Variants in CRACD observed in about 807,000 individuals in gnomAD.
CRACD encodes capping protein-inhibiting regulator of actin dynamics.
A neutral mutation model predicts 106.8 loss-of-function variants in CRACD; 56 were observed. That is an observed-to-expected ratio of 0.52 (90% CI 0.42 to 0.66). The LOEUF is 0.66. Among genes scored for constraint, CRACD ranks in the 30% least tolerant of loss-of-function variants. The pLI is 0.00. For missense variants in CRACD, 1,730 were observed against 1,623.2 expected (o/e 1.07, Z -1.13); for synonymous variants, 754 against 670.8 (o/e 1.12, Z -1.92).
chr4:56,254,034 A>G (rs781010635), intron 2 of CRACD, among the ~76,000 whole-genome samples: 1 of 152,238 alleles, frequency 6.6e-6, no homozygotes, highest in Non-Finnish European at 1.5e-5. Context: ...TTCCACCAGT[A>G]TCTGGTGCAT....
At chr4:56,199,699 GAAAAAA>G (rs200405228) in intron 2 of CRACD, among the ~76,000 whole-genome samples, 1 of 134,946 alleles carries the variant, frequency 7.4e-6, no homozygotes, top group Non-Finnish European at 1.6e-5. Flanking sequence ...AAAAAGAAAA[GAAAAAA>G]AAAGAAAAAG....
intron 2 of CRACD, among the ~76,000 whole-genome samples, chr4:56,233,433 T>G (rs895254189): frequency 6.6e-6 from 1 of 152,150 alleles, no homozygotes; most frequent in African/African-American, 2.4e-5. Context: ...TTAACCATCA[T>G]TTGTTGAAAA....
chr4:56,327,298 C>T (rs1410907375), intron 10 of CRACD, among the ~76,000 whole-genome samples: 1 of 151,978 alleles, frequency 6.6e-6, no homozygotes, highest in Admixed American at 6.6e-5. Context: ...TTTCTTTTTT[C>T]AGTCTCACAC....
chr4:56,121,462 G>T (rs1734479822), intron 1 of CRACD, among the ~76,000 whole-genome samples: 1 of 152,080 alleles, frequency 6.6e-6, no homozygotes, highest in Admixed American at 6.6e-5. Context: ...TGGCCAACAT[G>T]GTGAAACCCC....
intron 3 of CRACD, among the ~76,000 whole-genome samples, chr4:56,279,721 T>A (rs1291684741): frequency 2.0e-5 from 3 of 152,218 alleles, no homozygotes. Context: ...TCAACCATTG[T>A]GGAAGTCAGT....
Position 56,057,808 on chromosome 4 carries a change from T to G in CRACD, c.-336+8509T>G, listed in dbSNP as rs573451665. On this transcript the variant is annotated intron_variant, in intron 1 of 10. Transcript: ENST00000682029. ...CTGGCTCATTTTTTGTATTTTTTTT[T>G]TTTTTGTTTTTTTTTTTTTTTTTTT... Among the ~76,000 whole-genome samples, 276 of 59,608 alleles carry G rather than the reference T, an allele frequency of 4.6e-3. 68 individuals are homozygous for G. The highest frequency in any genetic ancestry group is 0.027 in the African/African-American group (180 of 6,650). The allele number at this position is 59,608 out of a possible 152,430, so 39.1% of individuals were successfully genotyped here.
intron 1 of CRACD, among the ~76,000 whole-genome samples, chr4:56,174,450 C>T (rs1243157778): frequency 2.6e-5 from 4 of 152,200 alleles, no homozygotes; most frequent in Admixed American, 2.0e-4. Context: ...CTCCCTGCTT[C>T]CCTTCTTAGC....
chr4:56,070,308 T>TTA (rs1013572611), intron 1 of CRACD, among the ~76,000 whole-genome samples: 60 of 151,106 alleles, frequency 4.0e-4, no homozygotes, highest in Admixed American at 2.4e-3. Context: ...CCCATTTTTT[T>TTA]TTTTTTTTTG....
chr4:56,172,099 A>G (rs1482333270), intron 1 of CRACD, among the ~76,000 whole-genome samples: 1 of 141,376 alleles, frequency 7.1e-6, no homozygotes, highest in Non-Finnish European at 1.5e-5. Context: ...CCCAAAGTTC[A>G]GATCATTCCT....
intron 1 of CRACD, among the ~76,000 whole-genome samples, chr4:56,082,333 G>C (rs1327446563): frequency 1.3e-5 from 2 of 152,188 alleles, no homozygotes; most frequent in Non-Finnish European, 2.9e-5. Flanking sequence ...GTGAGGACCA[G>C]ATTGTATAGG....
Position 56,316,654 on chromosome 4 carries a change from A to G in CRACD, c.3152A>G (p.Glu1051Gly). The G allele has an allele frequency of 3.1e-6, 5 of 1,612,426 alleles. No individual in the cohort carries two copies. Among genetic ancestry groups the G allele is most frequent in the Non-Finnish European group, 4.2e-6 (5 of 1,179,306 alleles). Reference protein sequence around the residue: ...ASPPLPATQQEKPSQTPEAGR... With the variant: ...ASPPLPATQQGKPSQTPEAGR... ...CCACCTCTGCCTGCCACTCAGCAAG[A>G]GAAACCTTCTCAAACACCCGAGGCC... is the stretch of plus-strand genomic sequence containing the variant. Residue 1051 changes from glutamate to glycine, a missense_variant, in exon 8 of 11, where the codon GAG (glutamate) becomes GGG (glycine). This residue lies in a region of CRACD where 1,620 missense variants were observed against 1,481.6 expected (regional missense o/e 1.09). Transcript: ENST00000682029.
chr4:56,317,094 A>G (rs1387596674), intron 8 of CRACD, among the ~76,000 whole-genome samples: 2 of 152,228 alleles, frequency 1.3e-5, no homozygotes, highest in Non-Finnish European at 2.9e-5. Flanking sequence ...GCCTGGAACC[A>G]GATGCCTATG....
chr4:56,082,356 G>A (rs1299666419), intron 1 of CRACD, among the ~76,000 whole-genome samples: 2 of 152,186 alleles, frequency 1.3e-5, no homozygotes, highest in Admixed American at 6.5e-5. Context: ...TTTGGATTAG[G>A]TGCTAATTGC....
At position 56,316,592 on chromosome 4, in the gene CRACD, C is replaced by G; in HGVS notation, c.3090C>G (p.Asp1030Glu). 1 of 1,612,466 alleles carries G rather than the reference C, an allele frequency of 6.2e-7. No individual in the cohort carries two copies. Among genetic ancestry groups the G allele is most frequent in the Non-Finnish European group, 8.5e-7 (1 of 1,179,310 alleles). The change falls in exon 8 of 11, where the codon GAC becomes GAG. Residue 1030 changes from aspartate to glutamate, a missense_variant. Coordinates refer to ENST00000682029, the MANE Select transcript of CRACD (RefSeq NM_001393381.1). ...AGGAAAGGAAGGGACAGAAGAGGGA[C>G]GAGGAGGAAGAGGCGACAGAGAGGA... ...GPEERKGQKRDEEEEATERKP... is the reference protein window; with the variant it reads ...GPEERKGQKREEEEEATERKP...
At chr4:56,128,173 A>G (rs985562013) in intron 1 of CRACD, among the ~76,000 whole-genome samples, 12 of 152,162 alleles carry the variant, frequency 7.9e-5, no homozygotes, top group African/African-American at 2.4e-4. Context: ...TGAAAGTTTT[A>G]AAAAGCTGGG....
intron 1 of CRACD, among the ~76,000 whole-genome samples, chr4:56,051,726 A>G (rs962814765): frequency 6.6e-6 from 1 of 152,118 alleles, no homozygotes; most frequent in African/African-American, 2.4e-5. Context: ...GAAAAAGTCT[A>G]CCTTTTGGAT....
intron 4 of CRACD, among the ~76,000 whole-genome samples, chr4:56,298,646 C>A (rs1303247433): frequency 6.6e-6 from 1 of 152,122 alleles, no homozygotes; most frequent in Non-Finnish European, 1.5e-5. Flanking sequence ...AGCTGCAGGA[C>A]TTGGGGCCAG....
Position 56,314,108 on chromosome 4 carries a change from G to C in CRACD, c.606G>C (p.Glu202Asp). 3.7e-6 allele frequency: 6 copies of C among 1,614,178 alleles called. No individual in the cohort carries two copies. The South Asian group carries it at 6.6e-5, about 18-fold the overall frequency. Reference protein sequence around the residue: ...PCLDQNGHPGEDKPTWHEEEP... With the variant: ...PCLDQNGHPGDDKPTWHEEEP... ...TGGACCAGAACGGACACCCAGGCGAGGACAAGCCAACGTGGCACGAAGAGG... is the reference window on the plus strand; with the variant it reads ...TGGACCAGAACGGACACCCAGGCGACGACAAGCCAACGTGGCACGAAGAGG... The change falls in exon 8 of 11, where the codon GAG (glutamate) becomes GAC (aspartate). Residue 202 changes from glutamate to aspartate, a missense_variant. By Grantham distance (45) the Glu-to-Asp change is conservative. Coordinates refer to ENST00000682029, the MANE Select transcript of CRACD (RefSeq NM_001393381.1). The surrounding 1 kb of genome is among the most constrained non-coding windows in gnomAD (Gnocchi z 4.4).
intron 1 of CRACD, among the ~76,000 whole-genome samples, chr4:56,096,949 T>C (rs908225009): frequency 6.6e-6 from 1 of 152,150 alleles, no homozygotes; most frequent in African/African-American, 2.4e-5. Flanking sequence ...GAAAACAACA[T>C]GTTTATTTGT....
Sources: gnomAD v4.1 joint callset for allele counts (sites outside exome capture counted in the v4.1 genomes callset) on GRCh38, gnomAD v4.1.1 for gene constraint, gnomAD v4.1.1 regional missense constraint, Gnocchi (gnomAD v3.1) non-coding constraint, MANE v1.5 for transcripts, NCBI Gene and HGNC (gene_info 2026-07-23, HGNC 2026-07-21) for gene names.